The following IGF1R variants were observed in gnomAD, a reference collection of about 807,000 sequenced individuals.
The protein encoded by IGF1R is insulin like growth factor 1 receptor.
In IGF1R, 44 loss-of-function variants were observed where a neutral mutation model predicts 144.6. The observed-to-expected ratio is 0.30, with a 90% CI of 0.24 to 0.39. The LOEUF (loss-of-function observed/expected upper bound fraction) is 0.39. Ranked by LOEUF, IGF1R falls within the 10% of genes least tolerant of loss-of-function variation. The probability of loss-of-function intolerance (pLI) is 1.00; values close to 1 mark genes in which losing one functional copy is unlikely to be tolerated. For missense variants in IGF1R, 1,355 were observed against 1,833.7 expected (o/e 0.74, Z 4.77); for synonymous variants, 795 against 722.8 (o/e 1.10, Z -1.60).
At chr15:98,952,330 A>ACACACACACACACT (rs1264640788) in intron 20 of IGF1R, among the ~76,000 whole-genome samples, 83 of 151,316 alleles carry the variant, frequency 5.5e-4, no homozygotes, top group African/African-American at 2.0e-3. Context: ...ACACACACAC[A>ACACACACACACACT]CTGCCCCTCA....
At chr15:98,876,915 C>T (rs1450505215) in intron 2 of IGF1R, among the ~76,000 whole-genome samples, 1 of 152,164 alleles carries the variant, frequency 6.6e-6, no homozygotes, top group African/African-American at 2.4e-5. Flanking sequence ...GTAAAAGGTA[C>T]TTTAACTTCA....
chr15:98,688,766 G>A (rs773025399), intron 1 of IGF1R, among the ~76,000 whole-genome samples: 10 of 152,138 alleles, frequency 6.6e-5, no homozygotes, highest in Non-Finnish European at 1.2e-4. Flanking sequence ...GAGGGCCTTT[G>A]GAAATGGCGT....
chr15:98,885,401 C>T (rs2013590938), intron 2 of IGF1R, among the ~76,000 whole-genome samples: 1 of 152,210 alleles, frequency 6.6e-6, no homozygotes, highest in Admixed American at 6.5e-5. Flanking sequence ...CACCCCTCTC[C>T]CTTTCCTTCT....
intron 2 of IGF1R, among the ~76,000 whole-genome samples, chr15:98,735,317 G>C (rs999606866): frequency 1.3e-5 from 2 of 152,214 alleles, no homozygotes; most frequent in African/African-American, 4.8e-5. Flanking sequence ...TCTAAGAGTG[G>C]CTTCAGGAAG....
At chr15:98,835,079 C>T (rs2057069959) in intron 2 of IGF1R, among the ~76,000 whole-genome samples, 2 of 56,854 alleles carry the variant, frequency 3.5e-5, no homozygotes, top group Admixed American at 2.2e-4. Flanking sequence ...AACACCCCCC[C>T]TACACACACA....
intron 2 of IGF1R, among the ~76,000 whole-genome samples, chr15:98,757,708 T>C (rs1478237873): frequency 3.3e-5 from 5 of 152,174 alleles, no homozygotes; most frequent in African/African-American, 1.2e-4. Flanking sequence ...TGTTCAATTG[T>C]TTGTTTTTAA....
chr15:98,685,038 G>A (rs769312734), intron 1 of IGF1R, among the ~76,000 whole-genome samples: 1 of 150,534 alleles, frequency 6.6e-6, no homozygotes, highest in African/African-American at 2.5e-5. Flanking sequence ...AACGTCCCAG[G>A]CTCAAGGGAT....
rs1555460765 is a variant in IGF1R at position 98,916,259 on chromosome 15, T to TG, written c.1996+130dup. The TG allele has an allele frequency of 3.0e-5, 23 of 778,514 alleles. 1 individual carries two copies. The highest frequency in any genetic ancestry group is 1.5e-4 in the African/African-American group (8 of 52,174). The allele number at this position is 778,514 out of a possible 1,614,324, so 48.2% of individuals were successfully genotyped here. The stretch of plus-strand genomic sequence containing the variant: ...TCTCCATTGGAAACCAGCTATCTTC[T>TG]GGTTTTTTTTTTTTTTTTTTGAGAC... On this transcript the variant is annotated intron_variant, in intron 9 of 20. Coordinates refer to ENST00000650285, the MANE Select transcript of IGF1R (RefSeq NM_000875.5).
intron 2 of IGF1R, among the ~76,000 whole-genome samples, chr15:98,768,107 T>C (rs2055480683): frequency 1.3e-5 from 2 of 152,320 alleles, no homozygotes; most frequent in East Asian, 3.9e-4. Context: ...GGTAGACTCC[T>C]GTGCTGGCTG....
intron 2 of IGF1R, among the ~76,000 whole-genome samples, chr15:98,739,921 G>A (rs894534235): frequency 3.3e-5 from 5 of 152,158 alleles, no homozygotes; most frequent in African/African-American, 9.7e-5. Context: ...ACTTAGGATG[G>A]GAAATGTGAT....
chr15:98,743,586 G>C (rs900228839), intron 2 of IGF1R, among the ~76,000 whole-genome samples: 2 of 152,220 alleles, frequency 1.3e-5, no homozygotes, highest in African/African-American at 4.8e-5. Context: ...GAAAGGGTTT[G>C]GGGTGGAAAG....
intron 2 of IGF1R, among the ~76,000 whole-genome samples, chr15:98,830,351 T>C (rs1411296530): frequency 1.3e-5 from 2 of 152,226 alleles, no homozygotes; most frequent in African/African-American, 4.8e-5. Flanking sequence ...TTTTCATTTC[T>C]GCCAGACACT....
At chr15:98,946,755 G>C (rs1370155718) in intron 19 of IGF1R, among the ~76,000 whole-genome samples, 2 of 152,184 alleles carry the variant, frequency 1.3e-5, no homozygotes, top group South Asian at 2.1e-4. Context: ...TGGAGCAGTT[G>C]GGCCGGGAGG....
intron 6 of IGF1R, among the ~76,000 whole-genome samples, chr15:98,909,953 T>C (rs1402854059): frequency 1.3e-5 from 2 of 152,178 alleles, no homozygotes; most frequent in Non-Finnish European, 2.9e-5. Flanking sequence ...CTTTTCACCT[T>C]TGGCTTTTAA....
At chr15:98,652,019 G>A (rs13379821) in intron 1 of IGF1R, among the ~76,000 whole-genome samples, 2 of 141,920 alleles carry the variant, frequency 1.4e-5, no homozygotes, top group East Asian at 3.8e-4. Context: ...TTGTCTGGTG[G>A]AGAAATAAAG....
intron 2 of IGF1R, among the ~76,000 whole-genome samples, chr15:98,844,884 T>TA (rs2011252908): frequency 6.6e-6 from 1 of 152,188 alleles, no homozygotes; most frequent in Non-Finnish European, 1.5e-5. Flanking sequence ...CTCCTTCTGT[T>TA]AAAGAGTATG....
intron 2 of IGF1R, among the ~76,000 whole-genome samples, chr15:98,830,396 G>A (rs1426254358): frequency 6.6e-6 from 1 of 152,314 alleles, no homozygotes; most frequent in Non-Finnish European, 1.5e-5. Context: ...CTCAGACTCA[G>A]GGTGTGTGAA....
At chr15:98,954,549 C>T (rs1350962543) in intron 20 of IGF1R, among the ~76,000 whole-genome samples, 5 of 152,176 alleles carry the variant, frequency 3.3e-5, no homozygotes, top group Non-Finnish European at 7.3e-5. Context: ...ATGGGCAGCA[C>T]TGGAAGGGTT....
intron 2 of IGF1R, among the ~76,000 whole-genome samples, chr15:98,765,783 C>A (rs1399873536): frequency 1.3e-5 from 2 of 152,114 alleles, no homozygotes; most frequent in Non-Finnish European, 2.9e-5. Context: ...AGAAATTCTC[C>A]CCCATGATTG....
Sources: gnomAD v4.1 joint callset for allele counts (sites outside exome capture counted in the v4.1 genomes callset) on GRCh38, gnomAD v4.1.1 for gene constraint, MANE v1.5 for transcripts, NCBI Gene and HGNC (gene_info 2026-07-23, HGNC 2026-07-21) for gene names.